The following PCDHGA9 variants were observed in gnomAD, a reference collection of about 807,000 sequenced individuals.
The protein encoded by PCDHGA9 is protocadherin gamma subfamily A, 9, also known as protocadherin gamma-A9.
PCDHGA9 carries 37 observed loss-of-function variants against 62.5 expected under a neutral mutation model. That is an observed-to-expected ratio of 0.59 (90% CI 0.46 to 0.78). PCDHGA9 has a LOEUF of 0.78. Among genes scored for constraint, PCDHGA9 ranks in the 30% least tolerant of loss-of-function variants. The probability of loss-of-function intolerance (pLI) is 0.00; values close to 1 mark genes in which losing one functional copy is unlikely to be tolerated. For missense variants in PCDHGA9, 1,138 were observed against 1,166.2 expected (o/e 0.98, Z 0.35); for synonymous variants, 459 against 484.6 (o/e 0.95, Z 0.69).
intron 1 of PCDHGA9, chr5:141,420,546 G>T: frequency 3.5e-6 from 1 of 284,254 alleles, no homozygotes; most frequent in Admixed American, 5.0e-5. Flanking sequence ...ATAAAATACA[G>T]GTATATTTTT....
intron 1 of PCDHGA9, chr5:141,423,365 T>A (rs1338039878): frequency 1.9e-6 from 3 of 1,614,096 alleles, no homozygotes; most frequent in South Asian, 1.1e-5. Context: ...ATCGTGCTGC[T>A]GGCACTCAGG....
chr5:141,426,806 T>C (rs1390972821), intron 1 of PCDHGA9: 1 of 456,600 alleles, frequency 2.2e-6, no homozygotes, highest in Non-Finnish European at 4.4e-6. Context: ...TCAGTTCTAA[T>C]GAACATTTCT....
At chr5:141,495,814 T>C (rs2099764028) in intron 2 of PCDHGA9, among the ~76,000 whole-genome samples, 1 of 152,134 alleles carries the variant, frequency 6.6e-6, no homozygotes, top group Non-Finnish European at 1.5e-5. Context: ...TCCTAGCGCC[T>C]TGTGTTCTTC....
At chr5:141,468,701 C>A (rs1186497330) in intron 1 of PCDHGA9, 2 of 151,628 alleles carry the variant, frequency 1.3e-5, no homozygotes, top group African/African-American at 2.4e-5. Flanking sequence ...CCCGTCTCTA[C>A]TAAAAATATA....
rs1000935525 is a variant in PCDHGA9 at position 141,512,962 on chromosome 5, G to A, written c.*1789G>A. The A allele has an allele frequency of 1.3e-5, 2 of 152,030 alleles. No individual in the cohort carries two copies. The highest frequency in any genetic ancestry group is 4.8e-5 in the African/African-American group (2 of 41,366). The allele number at this position is 152,030 out of a possible 1,614,324, so 9.4% of individuals were successfully genotyped here. ...TTCTTCGACAAAAAAATAATAAAACGTTTCTTCTGAAAAGCTGAACGTTTC... is the reference window on the plus strand; with the variant it reads ...TTCTTCGACAAAAAAATAATAAAACATTTCTTCTGAAAAGCTGAACGTTTC... On this transcript the variant is annotated 3_prime_UTR_variant, in exon 4 of 4. Transcript: ENST00000573521.
chr5:141,432,070 T>C lies in PCDHGA9; in HGVS notation c.2424+26694T>C. 6.2e-7 allele frequency: 1 copy of C among 1,614,136 alleles called. No homozygotes were observed. The highest frequency in any genetic ancestry group is 2.2e-5 in the East Asian group (1 of 44,860). ...CCCCGCCCCTATCCACGGAAACTCATATCTCGCTGAACGTGGCAGACACCA... is the reference window on the plus strand; with the variant it reads ...CCCCGCCCCTATCCACGGAAACTCACATCTCGCTGAACGTGGCAGACACCA... On this transcript the variant is annotated intron_variant, in intron 1 of 3. Transcript: ENST00000573521. The surrounding 1 kb of genome is among the most constrained non-coding windows in gnomAD (Gnocchi z 6.0).
At chr5:141,446,447 A>G (rs2098502204) in intron 1 of PCDHGA9, among the ~76,000 whole-genome samples, 1 of 151,946 alleles carries the variant, frequency 6.6e-6, no homozygotes, top group Non-Finnish European at 1.5e-5. Context: ...AACAGTGCAG[A>G]TATTCAGTGT....
Position 141,476,110 on chromosome 5 carries a change from G to A in PCDHGA9, c.2425-18697G>A. ...GACCCCGCTGAGAGGAACTGCTTTT[G>A]AGTGAGATGGTCCCAGAGGCCTGGA... On this transcript the variant is annotated intron_variant, in intron 1 of 3. Transcript: ENST00000573521. The surrounding 1 kb of genome is among the most constrained non-coding windows in gnomAD (Gnocchi z 7.6). 1.9e-6 allele frequency: 3 copies of A among 1,589,382 alleles called. No homozygotes were observed. The highest frequency in any genetic ancestry group is 2.6e-6 in the Non-Finnish European group (3 of 1,170,364).
intron 1 of PCDHGA9, chr5:141,418,770 A>G: frequency 6.2e-7 from 1 of 1,613,892 alleles, no homozygotes; most frequent in Non-Finnish European, 8.5e-7. Context: ...ATTCTAACTC[A>G]GCAGCCTTTG....
intron 1 of PCDHGA9, chr5:141,423,860 G>A: frequency 7.8e-7 from 1 of 1,283,074 alleles, no homozygotes; most frequent in Non-Finnish European, 9.9e-7. Context: ...ACGTTTTTGT[G>A]AAAGTCATTT....
Position 141,485,468 on chromosome 5 carries a change from A to G in PCDHGA9, c.2425-9339A>G. On this transcript the variant is annotated intron_variant, in intron 1 of 3. Coordinates refer to ENST00000573521, the MANE Select transcript of PCDHGA9 (RefSeq NM_018921.3). This position sits in a 1 kb window ranked among gnomAD's most constrained non-coding sequence, Gnocchi z 5.7. The stretch of plus-strand genomic sequence containing the variant: ...CGACCGAGAGGCACTGTGTGGGCTC[A>G]GTGCCAGCTGCATCGTGCCCCTGGA... 1 of 1,614,166 alleles carries G rather than the reference A, an allele frequency of 6.2e-7. No homozygotes were observed. Among genetic ancestry groups the G allele is most frequent in the Non-Finnish European group, 8.5e-7 (1 of 1,180,020 alleles).
At chr5:141,408,769 C>T in intron 1 of PCDHGA9, 1 of 1,611,166 alleles carries the variant, frequency 6.2e-7, no homozygotes, top group Non-Finnish European at 8.5e-7. Context: ...CCGATGGTGG[C>T]AAATACCCAG....
chr5:141,452,914 TAAGA>T (rs1164409830), intron 1 of PCDHGA9, among the ~76,000 whole-genome samples: 1 of 152,226 alleles, frequency 6.6e-6, no homozygotes, highest in African/African-American at 2.4e-5. Flanking sequence ...CATTATACAG[TAAGA>T]AAGAGCTGCT....
chr5:141,453,067 C>A (rs1227122711), intron 1 of PCDHGA9, among the ~76,000 whole-genome samples: 1 of 152,024 alleles, frequency 6.6e-6, no homozygotes, highest in African/African-American at 2.4e-5. Context: ...AGAGTTTTGC[C>A]ACACTCTGGT....
chr5:141,498,673 T>C (rs1158071657), intron 2 of PCDHGA9, among the ~76,000 whole-genome samples: 1 of 152,180 alleles, frequency 6.6e-6, no homozygotes, highest in Non-Finnish European at 1.5e-5. Flanking sequence ...GGCTCACGCC[T>C]GTAATCCCAG....
At chr5:141,425,802 C>T (rs966768224) in intron 1 of PCDHGA9, among the ~76,000 whole-genome samples, 6 of 152,160 alleles carry the variant, frequency 3.9e-5, no homozygotes, top group African/African-American at 1.4e-4. Context: ...ATGTGCATTG[C>T]TTCTGCTTAG....
chr5:141,511,489 A>G lies in PCDHGA9; in HGVS notation c.*316A>G. 2.3e-6 allele frequency: 1 copy of G among 435,688 alleles called. No individual in the cohort carries two copies. Among genetic ancestry groups the G allele is most frequent in the Non-Finnish European group, 4.2e-6 (1 of 239,908 alleles). The allele number at this position is 435,688 out of a possible 1,614,324, so 27.0% of individuals were successfully genotyped here. ...CGTTTAGTTACAGCTGAACTCCTCC[A>G]TCTTCCAAATCAATCAGGCCCATCC... On this transcript the variant is annotated 3_prime_UTR_variant, in exon 4 of 4. Coordinates refer to ENST00000573521, the MANE Select transcript of PCDHGA9 (RefSeq NM_018921.3).
Position 141,403,343 on chromosome 5 carries a change from C to T in PCDHGA9, c.391C>T (p.Pro131Ser), listed in dbSNP as rs774711306. ...AGTAACTGATATTAACGACAGCGCC[C>T]CAAAGTTCCAGGCCGAAAGTCTGGA... ...IEVTDINDSAPKFQAESLEVK... is the reference protein window; with the variant it reads ...IEVTDINDSASKFQAESLEVK... Residue 131 changes from proline to serine, a missense_variant, in exon 1 of 4, where the codon CCA becomes TCA. Pro to Ser is a moderately conservative substitution (Grantham distance 74). Transcript: ENST00000573521. 10 of 1,614,000 alleles carry T rather than the reference C, an allele frequency of 6.2e-6. No individual in the cohort carries two copies. Among genetic ancestry groups the T allele is most frequent in the Admixed American group, 1.7e-5 (1 of 60,030 alleles).
chr5:141,486,498 T>C lies in PCDHGA9; in HGVS notation c.2425-8309T>C, dbSNP rs755907391. On this transcript the variant is annotated intron_variant, in intron 1 of 3. Coordinates refer to ENST00000573521, the MANE Select transcript of PCDHGA9 (RefSeq NM_018921.3). The surrounding 1 kb of genome is among the most constrained non-coding windows in gnomAD (Gnocchi z 5.0). The stretch of plus-strand genomic sequence containing the variant: ...CCTCTCAGTACCCACAGAACTATTT[T>C]CCTCAATATTTCAGATGTGAATGAT... 6.2e-7 allele frequency: 1 copy of C among 1,614,030 alleles called. No individual in the cohort carries two copies. The highest frequency in any genetic ancestry group is 8.5e-7 in the Non-Finnish European group (1 of 1,179,874).
Sources: gnomAD v4.1 joint callset for allele counts (sites outside exome capture counted in the v4.1 genomes callset) on GRCh38, gnomAD v4.1.1 for gene constraint, Gnocchi (gnomAD v3.1) non-coding constraint, MANE v1.5 for transcripts, NCBI Gene and HGNC (gene_info 2026-07-23, HGNC 2026-07-21) for gene names.